DLEU7: variants seen among roughly 807,000 people sequenced by gnomAD.
DLEU7 encodes deleted in lymphocytic leukemia 7, also known as leukemia-associated protein 7.
Under a neutral mutation model 16.0 loss-of-function variants are expected in DLEU7, and 17 were observed. The ratio of observed to expected loss-of-function variants is 1.06; its 90% CI spans 0.73 to 1.59. The LOEUF (loss-of-function observed/expected upper bound fraction) is 1.59. Ranked by LOEUF, DLEU7 falls within the 40% of genes most tolerant of loss-of-function variation. The probability of loss-of-function intolerance (pLI) is 0.00; values close to 1 mark genes in which losing one functional copy is unlikely to be tolerated. For missense variants in DLEU7, 308 were observed against 314.9 expected (o/e 0.98, Z 0.17); for synonymous variants, 113 against 139.8 (o/e 0.81, Z 1.35).
intron 1 of DLEU7, among the ~76,000 whole-genome samples, chr13:50,806,841 G>A (rs963032507): frequency 1.3e-5 from 2 of 151,756 alleles, no homozygotes; most frequent in African/African-American, 4.8e-5. Flanking sequence ...TACTCGGGAG[G>A]CTGAGGCAGG....
intron 1 of DLEU7, among the ~76,000 whole-genome samples, chr13:50,786,601 A>G (rs894276171): frequency 2.6e-5 from 4 of 152,228 alleles, no homozygotes; most frequent in Non-Finnish European, 2.9e-5. Context: ...CTTCCCTGGA[A>G]CCAGACTTCC....
intron 1 of DLEU7, among the ~76,000 whole-genome samples, chr13:50,767,787 G>A (rs1475687013): frequency 6.6e-6 from 1 of 152,180 alleles, no homozygotes; most frequent in Admixed American, 6.5e-5. Flanking sequence ...GAAAGCTCCA[G>A]GAGACACCCC....
At chr13:50,779,486 T>C (rs1285382528) in intron 1 of DLEU7, among the ~76,000 whole-genome samples, 1 of 152,182 alleles carries the variant, frequency 6.6e-6, no homozygotes, top group Admixed American at 6.5e-5. Context: ...CCCAATTGCA[T>C]TGTGGTACAT....
intron 1 of DLEU7, among the ~76,000 whole-genome samples, chr13:50,744,502 G>A (rs188214703): frequency 1.7e-3 from 252 of 152,250 alleles, no homozygotes; most frequent in African/African-American, 5.6e-3. Context: ...CGCAAATTCT[G>A]TATCACAAGG....
At chr13:50,758,743 C>T (rs1874837242) in intron 1 of DLEU7, among the ~76,000 whole-genome samples, 1 of 152,206 alleles carries the variant, frequency 6.6e-6, no homozygotes, top group Admixed American at 6.5e-5. Flanking sequence ...TGACTATAAA[C>T]ACAACTGGCT....
At chr13:50,753,076 CAG>C (rs1364029931) in intron 1 of DLEU7, among the ~76,000 whole-genome samples, 1 of 151,038 alleles carries the variant, frequency 6.6e-6, no homozygotes, top group Non-Finnish European at 1.5e-5. Flanking sequence ...TACCTAGATA[CAG>C]AGTGTCGATT....
intron 1 of DLEU7, among the ~76,000 whole-genome samples, chr13:50,832,284 T>C (rs759096317): frequency 3.9e-5 from 6 of 152,206 alleles, no homozygotes; most frequent in Non-Finnish European, 8.8e-5. Flanking sequence ...GAGGTGTTTA[T>C]AGTATTCTCT....
intron 1 of DLEU7, among the ~76,000 whole-genome samples, chr13:50,730,368 C>G (rs1183709307): frequency 1.3e-5 from 2 of 152,066 alleles, no homozygotes; most frequent in African/African-American, 4.8e-5. Flanking sequence ...GTATTTAAAA[C>G]AATGAGAGCA....
intron 1 of DLEU7, among the ~76,000 whole-genome samples, chr13:50,731,411 G>T (rs1169039806): frequency 6.6e-6 from 1 of 152,182 alleles, no homozygotes; most frequent in East Asian, 1.9e-4. Context: ...GATTGAAGAT[G>T]AGTGGATTTA....
chr13:50,824,674 T>C (rs1877023994), intron 1 of DLEU7, among the ~76,000 whole-genome samples: 1 of 152,166 alleles, frequency 6.6e-6, no homozygotes, highest in Non-Finnish European at 1.5e-5. Context: ...GGAATTACCC[T>C]CTGTACTAGA....
At chr13:50,767,271 C>T (rs1392940842) in intron 1 of DLEU7, among the ~76,000 whole-genome samples, 1 of 151,928 alleles carries the variant, frequency 6.6e-6, no homozygotes, top group Admixed American at 6.5e-5. Flanking sequence ...CTGGCTAACA[C>T]AGTGAAACCC....
At chr13:50,831,879 C>T (rs1340322802) in intron 1 of DLEU7, among the ~76,000 whole-genome samples, 1 of 152,160 alleles carries the variant, frequency 6.6e-6, no homozygotes, top group Non-Finnish European at 1.5e-5. Flanking sequence ...CTACTGGATT[C>T]AGTTTGCCAG....
chr13:50,785,574 A>G (rs998425240), intron 1 of DLEU7, among the ~76,000 whole-genome samples: 10 of 152,164 alleles, frequency 6.6e-5, no homozygotes, highest in African/African-American at 2.4e-4. Flanking sequence ...TTGGCCAACT[A>G]CTGGGTGATT....
intron 1 of DLEU7, chr13:50,808,793 T>G (rs1876474869): frequency 6.6e-6 from 1 of 152,028 alleles, no homozygotes; most frequent in Admixed American, 6.6e-5. Context: ...TAGTAGAAGA[T>G]ATTTAAATAA....
intron 1 of DLEU7, among the ~76,000 whole-genome samples, chr13:50,772,841 G>A (rs1039368507): frequency 1.3e-5 from 2 of 152,160 alleles, no homozygotes; most frequent in African/African-American, 4.8e-5. Flanking sequence ...AGTTCTCCTG[G>A]ATAATATCCT....
chr13:50,834,516 G>A (rs764970094), intron 1 of DLEU7, among the ~76,000 whole-genome samples: 9 of 152,054 alleles, frequency 5.9e-5, no homozygotes, highest in African/African-American at 1.4e-4. Flanking sequence ...CAGGTAGAAC[G>A]GAGATCATTA....
intron 1 of DLEU7, among the ~76,000 whole-genome samples, chr13:50,830,719 C>T (rs1047144703): frequency 2.0e-5 from 3 of 152,134 alleles, no homozygotes; most frequent in African/African-American, 7.2e-5. Context: ...CACATATCTG[C>T]CCTGAGGTAG....
chr13:50,815,135 C>T (rs749180453), intron 1 of DLEU7, among the ~76,000 whole-genome samples: 17 of 152,100 alleles, frequency 1.1e-4, no homozygotes, highest in African/African-American at 3.1e-4. Context: ...CTTTTTCCCC[C>T]GCCAAGAACT....
At chr13:50,787,539 A>G (rs952357722) in intron 1 of DLEU7, among the ~76,000 whole-genome samples, 1 of 152,022 alleles carries the variant, frequency 6.6e-6, no homozygotes, top group African/African-American at 2.4e-5. Flanking sequence ...AGTCACCTGA[A>G]CCACCTCCCA....
Sources: gnomAD v4.1 joint callset for allele counts (sites outside exome capture counted in the v4.1 genomes callset) on GRCh38, gnomAD v4.1.1 for gene constraint, MANE v1.5 for transcripts, NCBI Gene and HGNC (gene_info 2026-07-23, HGNC 2026-07-21) for gene names.